Variants in RP1 observed in about 807,000 individuals in gnomAD.
RP1 encodes the protein oxygen-regulated protein 1.
A neutral mutation model predicts 14.8 loss-of-function variants in RP1; 16 were observed. The observed-to-expected ratio is 1.08, with a 90% confidence interval of 0.73 to 1.65. The LOEUF (loss-of-function observed/expected upper bound fraction) is 1.65. Among genes scored for constraint, RP1 ranks in the 40% most tolerant of loss-of-function variants. RP1 has a pLI of 0.00. For synonymous variants in RP1, 876 were observed against 883.6 expected (o/e 0.99, Z 0.15); for missense variants, 2,631 against 2,535.0 (o/e 1.04, Z -0.81).
intron 24 of RP1, among the ~76,000 whole-genome samples, chr8:54,833,732 G>A (rs1298725178): frequency 6.6e-6 from 1 of 151,806 alleles, no homozygotes; most frequent in Non-Finnish European, 1.5e-5. Context: ...CATTTAAATA[G>A]CAACTAATTG....
chr8:54,741,794 T>C (rs545447305), intron 19 of RP1, among the ~76,000 whole-genome samples: 75 of 144,684 alleles, frequency 5.2e-4, no homozygotes, highest in African/African-American at 1.9e-3. Flanking sequence ...AATCATGCTA[T>C]GTATGCACTT....
At chr8:54,762,644 A>G (rs928481804) in intron 22 of RP1, among the ~76,000 whole-genome samples, 2 of 152,180 alleles carry the variant, frequency 1.3e-5, no homozygotes, top group African/African-American at 2.4e-5. Flanking sequence ...TTTAGTATTT[A>G]TATTAGCTTC....
Position 54,739,030 on chromosome 8 carries a change from G to T in RP1, c.2808+1G>T, listed in dbSNP as rs990249499. The T allele has an allele frequency of 1.3e-6, 2 of 1,525,576 alleles. No homozygotes were observed. The highest frequency in any genetic ancestry group is 1.7e-4 in the Middle Eastern group (1 of 5,966). 94.5% of individuals were successfully genotyped at this position (1,525,576 alleles called of 1,614,324 possible). A position where few individuals can be genotyped will look rare whatever the true frequency, so the allele number is the denominator to read the frequency against. On this transcript the variant is annotated splice_donor_variant, in intron 19 of 22. Coordinates refer to the RP1 transcript ENST00000636932. LOFTEE classifies it high-confidence loss of function. ...GCAACCCGAGTGGAACTTGCAGAGGGTAATCATGTCACTTATTTTTTTCTT... is the reference window on the plus strand; with the variant it reads ...GCAACCCGAGTGGAACTTGCAGAGGTTAATCATGTCACTTATTTTTTTCTT...
At chr8:54,651,500 G>A (rs1806654614) in intron 4 of RP1, among the ~76,000 whole-genome samples, 1 of 151,852 alleles carries the variant, frequency 6.6e-6, no homozygotes. Flanking sequence ...GGTGGTCTGT[G>A]TGTTTCTATA....
intron 1 of RP1, among the ~76,000 whole-genome samples, chr8:54,582,221 G>GTTTCA (rs1349799974): frequency 2.1e-4 from 32 of 151,732 alleles, no homozygotes; most frequent in Non-Finnish European, 1.5e-5. Flanking sequence ...TTCTACATAT[G>GTTTCA]GCTAGCCAGT....
intron 25 of RP1, among the ~76,000 whole-genome samples, chr8:54,851,806 T>G (rs1286020802): frequency 1.3e-5 from 2 of 152,250 alleles, no homozygotes; most frequent in Non-Finnish European, 2.9e-5. Context: ...CCTTACTTGT[T>G]GGATTTTCAT....
chr8:54,676,305 T>C (rs1248848335), intron 8 of RP1, among the ~76,000 whole-genome samples: 1 of 152,218 alleles, frequency 6.6e-6, no homozygotes, highest in Non-Finnish European at 1.5e-5. Flanking sequence ...TGGCTGTTGA[T>C]TTGATACCTA....
intron 24 of RP1, among the ~76,000 whole-genome samples, chr8:54,789,126 A>G (rs1810400193): frequency 6.6e-6 from 1 of 152,194 alleles, no homozygotes; most frequent in African/African-American, 2.4e-5. Context: ...AGCCAGGAAC[A>G]AAGAAGCATG....
intron 6 of RP1, among the ~76,000 whole-genome samples, chr8:54,660,199 A>G (rs1806855519): frequency 6.6e-6 from 1 of 152,120 alleles, no homozygotes; most frequent in Admixed American, 6.5e-5. Flanking sequence ...TGCAATACCT[A>G]GAACTTTCAG....
chr8:54,585,214 T>G (rs911602195), intron 1 of RP1, among the ~76,000 whole-genome samples: 9 of 152,334 alleles, frequency 5.9e-5, no homozygotes, highest in Admixed American at 2.0e-4. Context: ...TCTCTCAGCA[T>G]TTGCTTGTCT....
At chr8:54,788,271 T>A (rs538919124) in intron 24 of RP1, among the ~76,000 whole-genome samples, 2 of 152,304 alleles carry the variant, frequency 1.3e-5, no homozygotes, top group East Asian at 1.9e-4. Context: ...AGCAAGTCAG[T>A]TGAGTATGTA....
intron 8 of RP1, among the ~76,000 whole-genome samples, chr8:54,677,975 A>C (rs1338229862): frequency 6.6e-6 from 1 of 152,172 alleles, no homozygotes; most frequent in African/African-American, 2.4e-5. Context: ...CATGTGTACC[A>C]GGTGAGTCTA....
intron 25 of RP1, among the ~76,000 whole-genome samples, chr8:54,847,636 G>A (rs930980691): frequency 6.6e-6 from 1 of 152,224 alleles, no homozygotes; most frequent in Admixed American, 6.5e-5. Context: ...AACTGTACTC[G>A]GTTACCTTTA....
chr8:54,836,969 G>T (rs1329843403), intron 24 of RP1, among the ~76,000 whole-genome samples: 3 of 151,964 alleles, frequency 2.0e-5, no homozygotes, highest in East Asian at 1.9e-4. Flanking sequence ...TATGTGTTCT[G>T]GGGGGTGCAA....
At chr8:54,799,168 A>G (rs971400580) in intron 24 of RP1, among the ~76,000 whole-genome samples, 10 of 152,072 alleles carry the variant, frequency 6.6e-5, no homozygotes, top group Non-Finnish European at 8.8e-5. Flanking sequence ...CTATTATAAT[A>G]TAAAAGTAAA....
chr8:54,681,480 ATTTGTGTGTGTG>A (rs1402310475), intron 12 of RP1, among the ~76,000 whole-genome samples: 4 of 110,168 alleles, frequency 3.6e-5, no homozygotes, highest in African/African-American at 7.8e-5. Context: ...TTATTTTTTG[ATTTGTGTGTGTG>A]TGTGTGTGTG....
At chr8:54,786,410 G>A (rs1470889275) in intron 24 of RP1, among the ~76,000 whole-genome samples, 2 of 151,846 alleles carry the variant, frequency 1.3e-5, no homozygotes, top group Non-Finnish European at 2.9e-5. Flanking sequence ...CTTGTTTTTG[G>A]CTTTCAAAAA....
chr8:54,674,482 C>A (rs942427814), intron 8 of RP1, among the ~76,000 whole-genome samples: 3 of 98,220 alleles, frequency 3.1e-5, no homozygotes, highest in South Asian at 3.1e-4. Context: ...ATCCATTTAA[C>A]AAAAGACAGA....
intron 19 of RP1, among the ~76,000 whole-genome samples, chr8:54,745,188 T>C (rs1309212309): frequency 6.6e-6 from 1 of 152,182 alleles, no homozygotes. Flanking sequence ...TGCTTAGTTA[T>C]CCATTAAGTT....
Sources: allele counts gnomAD v4.1 joint callset (sites outside exome capture counted in the v4.1 genomes callset), GRCh38; gene constraint gnomAD v4.1.1; transcripts MANE v1.5; gene names NCBI Gene and HGNC (gene_info 2026-07-23, HGNC 2026-07-21).